Variants in TLN2 observed in about 807,000 individuals in gnomAD.
The protein encoded by TLN2 is talin-2.
A neutral mutation model predicts 294.7 loss-of-function variants in TLN2; 118 were observed. The observed-to-expected ratio is 0.40, with a 90% CI of 0.34 to 0.47. The LOEUF (loss-of-function observed/expected upper bound fraction) is 0.47. Among genes scored for constraint, TLN2 ranks in the 20% least tolerant of loss-of-function variants. The pLI is 0.84. For synonymous variants in TLN2, 1,431 were observed against 1,304.5 expected, an observed-to-expected ratio of 1.10 and a Z score of -2.09; for missense variants, 3,083 against 3,282.2, an observed-to-expected ratio of 0.94 and a Z score of 1.48.
chr15:62,825,460 G>A (rs2067968145), intron 54 of TLN2, among the ~76,000 whole-genome samples: 1 of 151,732 alleles, frequency 6.6e-6, no homozygotes, highest in Non-Finnish European at 1.5e-5. Context: ...CAACTGTTCA[G>A]GAAGGAGGAG....
At chr15:62,569,578 A>T (rs1003137159) in intron 1 of TLN2, among the ~76,000 whole-genome samples, 37 of 152,216 alleles carry the variant, frequency 2.4e-4, no homozygotes, top group African/African-American at 8.4e-4. Context: ...CTTTCAGCTC[A>T]TGCATGAGGT....
At chr15:62,542,699 T>A (rs1455986381) in intron 1 of TLN2, among the ~76,000 whole-genome samples, 9 of 151,964 alleles carry the variant, frequency 5.9e-5, no homozygotes, top group Admixed American at 5.9e-4. Context: ...CAGGGATTCG[T>A]GTTGGTATTA....
intron 2 of TLN2, among the ~76,000 whole-genome samples, chr15:62,613,447 G>A (rs939130762): frequency 3.9e-5 from 6 of 152,168 alleles, no homozygotes; most frequent in Admixed American, 6.5e-5. Context: ...CTCGTGTGGA[G>A]TAAATGGAAC....
Position 62,797,268 on chromosome 15 carries a change from C to G in TLN2, c.6100C>G (p.Leu2034Val), listed in dbSNP as rs775859880. The change falls in exon 48 of 59, where the codon CTT (leucine) becomes GTT (valine). Residue 2034 changes from leucine to valine, a missense_variant. Coordinates refer to ENST00000636159, the MANE Select transcript of TLN2 (RefSeq NM_015059.3). The stretch of plus-strand genomic sequence containing the variant: ...GGCCTTGGTAGAAGACACGAAACTA[C>G]TTGTGTCAGGAGCTGCGTCCACTCC... ...AKALVEDTKLLVSGAASTPDK... is the reference protein window; with the variant it reads ...AKALVEDTKLVVSGAASTPDK... 1.9e-6 allele frequency: 3 copies of G among 1,613,922 alleles called. No individual in the cohort carries two copies. The East Asian group carries it at 6.7e-5, about 36-fold the overall frequency.
chr15:62,630,390 A>G (rs2140884621), intron 3 of TLN2, among the ~76,000 whole-genome samples: 1 of 151,752 alleles, frequency 6.6e-6, no homozygotes, highest in East Asian at 1.9e-4. Flanking sequence ...TGAGGACTTG[A>G]CTCCCTGATA....
chr15:62,651,808 G>A (rs2052618627), intron 5 of TLN2, among the ~76,000 whole-genome samples, 197 bp from the exon 6 acceptor site: 1 of 152,084 alleles, frequency 6.6e-6, no homozygotes, highest in South Asian at 2.1e-4. Flanking sequence ...TGTAAGTCCA[G>A]GTCTGTACTA....
At chr15:62,585,148 A>C (rs2045484822) in intron 1 of TLN2, among the ~76,000 whole-genome samples, 1 of 152,200 alleles carries the variant, frequency 6.6e-6, no homozygotes, top group East Asian at 1.9e-4. Flanking sequence ...TACATCCTGC[A>C]CACTCCAGAT....
At chr15:62,641,857 G>A (rs1298081302) in intron 3 of TLN2, among the ~76,000 whole-genome samples, 1 of 152,166 alleles carries the variant, frequency 6.6e-6, no homozygotes, top group Non-Finnish European at 1.5e-5. Flanking sequence ...AGAGATCCAA[G>A]GGAAGGCTGC....
At chr15:62,481,471 T>C (rs760761485) in intron 1 of TLN2, among the ~76,000 whole-genome samples, 16 of 152,206 alleles carry the variant, frequency 1.1e-4, no homozygotes, top group Admixed American at 2.6e-4. Context: ...CAAACGATTG[T>C]CCTGCCTCAG....
At chr15:62,501,846 T>A (rs1241110705) in intron 1 of TLN2, among the ~76,000 whole-genome samples, 2 of 152,244 alleles carry the variant, frequency 1.3e-5, no homozygotes, top group Admixed American at 1.3e-4. Context: ...GTAAGCCTTA[T>A]GCCTGATTTT....
intron 46 of TLN2, among the ~76,000 whole-genome samples, chr15:62,793,315 C>T (rs1023378122): frequency 1.0e-5 from 1 of 97,562 alleles, no homozygotes; most frequent in African/African-American, 2.8e-5. Flanking sequence ...AGAAACTTGT[C>T]CTCGGTTTTC....
rs1186195467 is a variant in TLN2 at position 62,762,264 on chromosome 15, G to A, written c.4780-8G>A. 4 of 1,613,930 alleles carry A rather than the reference G, an allele frequency of 2.5e-6. No homozygotes were observed. Among genetic ancestry groups the A allele is most frequent in the Non-Finnish European group, 3.4e-6 (4 of 1,179,866 alleles). On this transcript the variant is annotated splice_polypyrimidine_tract_variant and splice_region_variant and intron_variant, in intron 38 of 58. Coordinates refer to ENST00000636159, the MANE Select transcript of TLN2 (RefSeq NM_015059.3). Reference sequence around the variant, plus strand: ...CCTGACTTTGATTTCTCTGCTGTTTGGTCTCAGGGTTCCCAGGCACAGGAA... The same window carrying A: ...CCTGACTTTGATTTCTCTGCTGTTTAGTCTCAGGGTTCCCAGGCACAGGAA...
intron 55 of TLN2, 59 bp downstream of exon 55, chr15:62,833,688 C>T (rs1235263070): frequency 6.3e-7 from 1 of 1,576,054 alleles, no homozygotes; most frequent in African/African-American, 1.4e-5. Flanking sequence ...TCAGGGGGCC[C>T]AGGAAAAGAG....
chr15:62,580,028 C>G (rs528059703), intron 1 of TLN2, among the ~76,000 whole-genome samples: 2 of 152,206 alleles, frequency 1.3e-5, no homozygotes, highest in East Asian at 3.9e-4. Flanking sequence ...GCTGCTTCCC[C>G]AGGCCAAGCC....
intron 28 of TLN2, among the ~76,000 whole-genome samples, chr15:62,729,287 T>G (rs2060594538): frequency 6.6e-6 from 1 of 152,254 alleles, no homozygotes; most frequent in African/African-American, 2.4e-5. Context: ...ATCCTCAACT[T>G]TGTTGGTTTT....
chr15:62,529,537 T>A (rs549669986), intron 1 of TLN2, among the ~76,000 whole-genome samples: 5 of 147,702 alleles, frequency 3.4e-5, no homozygotes, highest in African/African-American at 1.3e-4. Flanking sequence ...GTTTTTTTTA[T>A]TTTTTTTCTC....
At chr15:62,837,785 T>G (rs1328091951) in intron 57 of TLN2, among the ~76,000 whole-genome samples, 2 of 152,234 alleles carry the variant, frequency 1.3e-5, no homozygotes, top group South Asian at 4.1e-4. Context: ...TTGTCAAATA[T>G]TAATTGGTTC....
chr15:62,516,620 C>G (rs1006490152), intron 1 of TLN2, among the ~76,000 whole-genome samples: 3 of 152,220 alleles, frequency 2.0e-5, no homozygotes, highest in African/African-American at 7.2e-5. Flanking sequence ...TGATCCGCCT[C>G]TTGTCTCTTT....
chr15:62,547,511 T>G (rs1321098573), intron 1 of TLN2, among the ~76,000 whole-genome samples: 1 of 152,224 alleles, frequency 6.6e-6, no homozygotes, highest in East Asian at 1.9e-4. Context: ...GTTCCTCATT[T>G]AAATCTCACA....
Sources: gnomAD v4.1 joint callset for allele counts (sites outside exome capture counted in the v4.1 genomes callset) on GRCh38, gnomAD v4.1.1 for gene constraint, MANE v1.5 for transcripts, NCBI Gene and HGNC (gene_info 2026-07-23, HGNC 2026-07-21) for gene names.